PRKG2: variants seen among roughly 807,000 people sequenced by gnomAD.
The protein encoded by PRKG2 is cGMP-dependent protein kinase 2.
PRKG2 carries 33 observed loss-of-function variants against 97.2 expected under a neutral mutation model. The ratio of observed to expected loss-of-function variants is 0.34; its 90% confidence interval spans 0.26 to 0.45. The LOEUF is 0.45. PRKG2 is among the 20% of genes least tolerant of loss of function. The pLI is 1.00. For missense variants in PRKG2, 638 were observed against 900.0 expected (o/e 0.71, Z 3.73); for synonymous variants, 330 against 321.8 (o/e 1.03, Z -0.27).
chr4:81,128,953 T>C (rs1745879732), intron 14 of PRKG2, among the ~76,000 whole-genome samples: 1 of 152,240 alleles, frequency 6.6e-6, no homozygotes, highest in Non-Finnish European at 1.5e-5. Flanking sequence ...CTTTCTCCTG[T>C]GGGCATTTAG....
intron 2 of PRKG2, among the ~76,000 whole-genome samples, chr4:81,202,490 G>C (rs1753375880): frequency 6.6e-6 from 1 of 152,120 alleles, no homozygotes; most frequent in Non-Finnish European, 1.5e-5. Context: ...AAGCAGATGA[G>C]GATTGTTAGG....
At chr4:81,104,262 T>G in intron 17 of PRKG2, 108 bp downstream of exon 17, 1 of 634,822 alleles carries the variant, frequency 1.6e-6, no homozygotes, top group South Asian at 2.8e-5. Flanking sequence ...AAAGAAAAAT[T>G]TGAAAGTCTG....
chr4:81,202,536 A>T lies in PRKG2; in HGVS notation c.461+2051T>A, dbSNP rs549552979. ...TACAGTTTTTGTCTCTTTAGGACTT[A>T]ATCATTAAGAAATCAATTAGCCCAT... On this transcript the variant is annotated intron_variant, in intron 2 of 18. Coordinates refer to ENST00000264399, the MANE Select transcript of PRKG2 (RefSeq NM_006259.3). Among the ~76,000 whole-genome samples the T allele has an allele frequency of 7.9e-5, 12 of 152,296 alleles. No homozygotes were observed. The East Asian group carries it at 2.1e-3, about 27-fold the overall frequency.
intron 2 of PRKG2, among the ~76,000 whole-genome samples, chr4:81,185,117 AAT>A (rs2110102299): frequency 1.3e-5 from 2 of 152,344 alleles, no homozygotes; most frequent in Admixed American, 1.3e-4. Flanking sequence ...AAATTCAGGA[AAT>A]ATAGAGAACA....
intron 17 of PRKG2, among the ~76,000 whole-genome samples, chr4:81,094,327 A>G (rs937160212): frequency 6.6e-6 from 1 of 152,162 alleles, no homozygotes; most frequent in Admixed American, 6.6e-5. Context: ...TAAATACAAA[A>G]TTAAAGTGAC....
At chr4:81,182,555 G>C (rs761598304) in intron 2 of PRKG2, among the ~76,000 whole-genome samples, 2 of 151,380 alleles carry the variant, frequency 1.3e-5, no homozygotes, top group Admixed American at 1.3e-4. Context: ...AGAAAGAAAA[G>C]AAACAAAAAG....
At chr4:81,115,847 C>A (rs1443538) in intron 14 of PRKG2, among the ~76,000 whole-genome samples, 1 of 151,952 alleles carries the variant, frequency 6.6e-6, no homozygotes, top group Non-Finnish European at 1.5e-5. Context: ...TAAATTTTTA[C>A]GTTTCTCAAT....
At chr4:81,160,074 C>G (rs1352406272) in intron 6 of PRKG2, among the ~76,000 whole-genome samples, 1 of 151,694 alleles carries the variant, frequency 6.6e-6, no homozygotes, top group Non-Finnish European at 1.5e-5. Context: ...CTGACCTGCA[C>G]ATTGTGCACA....
At position 81,137,377 on chromosome 4, in the gene PRKG2, C is replaced by G; in HGVS notation, c.1634+16G>C. Reference sequence around the variant, plus strand: ...AGCCCTTAGGCCAGATGTGAGTATACAAACTTTTTCATTACCTGTCCCTTA... The same window carrying G: ...AGCCCTTAGGCCAGATGTGAGTATAGAAACTTTTTCATTACCTGTCCCTTA... On this transcript the variant is annotated intron_variant, in intron 13 of 18. Transcript: ENST00000264399. The G allele has an allele frequency of 6.3e-7, 1 of 1,575,238 alleles. No individual in the cohort carries two copies. Among genetic ancestry groups the G allele is most frequent in the Non-Finnish European group, 8.7e-7 (1 of 1,145,070 alleles).
intron 2 of PRKG2, among the ~76,000 whole-genome samples, chr4:81,197,774 T>G (rs760984846): frequency 2.0e-5 from 3 of 150,122 alleles, no homozygotes; most frequent in Non-Finnish European, 3.0e-5. Flanking sequence ...ATTAAAGAAT[T>G]AGTGAAAAAA....
chr4:81,178,049 G>T (rs1751089775), intron 2 of PRKG2, among the ~76,000 whole-genome samples: 1 of 144,966 alleles, frequency 6.9e-6, no homozygotes, highest in Non-Finnish European at 1.5e-5. Flanking sequence ...CAGCCCTTCA[G>T]GTGTCCCATC....
chr4:81,099,827 C>G (rs1367934073), intron 17 of PRKG2, among the ~76,000 whole-genome samples: 1 of 152,082 alleles, frequency 6.6e-6, no homozygotes, highest in Non-Finnish European at 1.5e-5. Context: ...CTGTCTCAGC[C>G]CAAAATCTCC....
chr4:81,165,483 G>C (rs1749902641), intron 6 of PRKG2, among the ~76,000 whole-genome samples: 1 of 152,144 alleles, frequency 6.6e-6, no homozygotes, highest in South Asian at 2.1e-4. Flanking sequence ...ATTGGCTGTT[G>C]TCAGGACCAA....
rs1256836464 is a variant in PRKG2 at position 81,204,792 on chromosome 4, C to T, written c.256G>A (p.Val86Met). Residue 86 changes from valine (V) to methionine (M), a missense_variant, in exon 2 of 19, where the codon GTG (valine) becomes ATG (methionine). Val to Met is a conservative substitution (Grantham distance 21). This residue lies in a region of PRKG2 where 332 missense variants were observed against 421.7 expected (regional missense o/e 0.79). Coordinates refer to ENST00000264399, the MANE Select transcript of PRKG2 (RefSeq NM_006259.3). ...AGCGGGCTTCCTCCCTGCATATGCACCACATCCTGCAGCTTGTTCAGCTGG... is the reference window on the plus strand; with the variant it reads ...AGCGGGCTTCCTCCCTGCATATGCATCACATCCTGCAGCTTGTTCAGCTGG... ...CIQLNKLQDVVHMQGGSPLQA... is the reference protein window; with the variant it reads ...CIQLNKLQDVMHMQGGSPLQA... The T allele has an allele frequency of 1.5e-5, 24 of 1,614,176 alleles. No individual in the cohort carries two copies. The highest frequency in any genetic ancestry group is 3.4e-6 in the Non-Finnish European group (4 of 1,180,030).
At chr4:81,143,675 C>T (rs933029572) in intron 10 of PRKG2, among the ~76,000 whole-genome samples, 2 of 152,036 alleles carry the variant, frequency 1.3e-5, no homozygotes, top group African/African-American at 4.8e-5. Flanking sequence ...GACTATATGG[C>T]TTTGATAGCA....
intron 9 of PRKG2, among the ~76,000 whole-genome samples, chr4:81,147,212 G>A (rs1292620487): frequency 3.3e-5 from 5 of 152,062 alleles, no homozygotes; most frequent in African/African-American, 9.7e-5. Context: ...AATATGTGGT[G>A]TATGTGATTA....
At chr4:81,108,657 A>G (rs1337131794) in intron 15 of PRKG2, among the ~76,000 whole-genome samples, 1 of 152,032 alleles carries the variant, frequency 6.6e-6, no homozygotes, top group African/African-American at 2.4e-5. Flanking sequence ...CACTTTTGGA[A>G]GCTGAGATGA....
intron 14 of PRKG2, among the ~76,000 whole-genome samples, chr4:81,116,985 CTTT>C (rs58361616): frequency 1.3e-3 from 103 of 78,980 alleles, no homozygotes; most frequent in African/African-American, 5.6e-3. Flanking sequence ...CCTGTTGTTA[CTTT>C]TTTTTTTTTT....
chr4:81,171,118 T>C (rs937835190), intron 4 of PRKG2, among the ~76,000 whole-genome samples: 1 of 152,020 alleles, frequency 6.6e-6, no homozygotes, highest in East Asian at 1.9e-4. Flanking sequence ...AACACCTAGG[T>C]ATTTAGCCCC....
Sources: allele counts gnomAD v4.1 joint callset (sites outside exome capture counted in the v4.1 genomes callset), GRCh38; gene constraint gnomAD v4.1.1; regional missense constraint gnomAD v4.1.1; transcripts MANE v1.5; gene names NCBI Gene and HGNC (gene_info 2026-07-23, HGNC 2026-07-21).